KDM4C: variants seen among roughly 807,000 people sequenced by gnomAD.
KDM4C encodes lysine demethylase 4C, also known as lysine-specific demethylase 4C.
In KDM4C, 81 loss-of-function variants were observed where a neutral mutation model predicts 129.3. The observed-to-expected ratio is 0.63, with a 90% confidence interval of 0.52 to 0.75. KDM4C has a LOEUF of 0.75. Ranked by LOEUF, KDM4C falls within the 30% of genes least tolerant of loss-of-function variation. The pLI is 0.00. For synonymous variants in KDM4C, 573 were observed against 456.1 expected, an observed-to-expected ratio of 1.26 and a Z score of -3.26; for missense variants, 1,457 against 1,304.0, an observed-to-expected ratio of 1.12 and a Z score of -1.81.
chr9:6,823,176 T>C (rs1427549049), intron 4 of KDM4C, among the ~76,000 whole-genome samples: 3 of 152,252 alleles, frequency 2.0e-5, no homozygotes, highest in Admixed American at 1.3e-4. Context: ...GATTTTCCCT[T>C]TGCTGAGCGG....
At chr9:6,781,682 A>T (rs894103603) in intron 1 of KDM4C, among the ~76,000 whole-genome samples, 6 of 152,182 alleles carry the variant, frequency 3.9e-5, no homozygotes, top group African/African-American at 9.7e-5. Context: ...GCATTATGAG[A>T]GCTGAAACAA....
intron 17 of KDM4C, among the ~76,000 whole-genome samples, chr9:7,094,407 T>C (rs997869517): frequency 6.6e-6 from 1 of 152,152 alleles, no homozygotes; most frequent in East Asian, 1.9e-4. Context: ...TGAGAACACA[T>C]GGACACAGGA....
chr9:6,814,570 G>A, intron 3 of KDM4C, 61 bp from the exon 4 acceptor site: 2 of 1,023,752 alleles, frequency 2.0e-6, no homozygotes, highest in Non-Finnish European at 2.9e-6. Context: ...AATCAATTTG[G>A]TGGGAAAAAC....
intron 5 of KDM4C, among the ~76,000 whole-genome samples, chr9:6,854,447 T>C (rs7852688): frequency 0.14 from 19,810 of 146,416 alleles, 1,798 homozygotes; most frequent in African/African-American, 0.26. Context: ...ATTGCTTGAA[T>C]CTGGGAGGCG....
At chr9:6,977,766 C>T (rs1014570249) in intron 8 of KDM4C, among the ~76,000 whole-genome samples, 1 of 152,146 alleles carries the variant, frequency 6.6e-6, no homozygotes, top group Non-Finnish European at 1.5e-5. Context: ...ATGTACACTG[C>T]TGTCACCTCT....
At chr9:7,166,359 T>A (rs763377027) in intron 20 of KDM4C, among the ~76,000 whole-genome samples, 4 of 152,178 alleles carry the variant, frequency 2.6e-5, no homozygotes, top group Admixed American at 1.3e-4. Context: ...TCAAAGAAGT[T>A]TGAAAAACTT....
chr9:7,108,920 G>C (rs1838008411), intron 18 of KDM4C, among the ~76,000 whole-genome samples: 1 of 152,142 alleles, frequency 6.6e-6, no homozygotes, highest in Non-Finnish European at 1.5e-5. Flanking sequence ...ATAAGAATCA[G>C]TACACTTTTA....
At chr9:7,133,726 C>A (rs1187925252) in intron 19 of KDM4C, among the ~76,000 whole-genome samples, 1 of 152,150 alleles carries the variant, frequency 6.6e-6, no homozygotes, top group African/African-American at 2.4e-5. Context: ...GGTGTAAAAC[C>A]CGTTTCAGTG....
intron 19 of KDM4C, among the ~76,000 whole-genome samples, chr9:7,151,582 G>A (rs1842734638): frequency 6.6e-6 from 1 of 152,166 alleles, no homozygotes; most frequent in African/African-American, 2.4e-5. Context: ...GGCTGAGGTG[G>A]GAGAATCACC....
At chr9:6,923,915 G>A (rs575372309) in intron 8 of KDM4C, among the ~76,000 whole-genome samples, 89 of 152,302 alleles carry the variant, frequency 5.8e-4, no homozygotes, top group African/African-American at 1.9e-3. Context: ...TCTGAGAAGA[G>A]ACCGATGCTT....
chr9:7,152,631 T>C (rs1842826394), intron 19 of KDM4C, among the ~76,000 whole-genome samples: 1 of 152,178 alleles, frequency 6.6e-6, no homozygotes, highest in African/African-American at 2.4e-5. Context: ...GGTGATGAAG[T>C]CACAACACTT....
intron 1 of KDM4C, among the ~76,000 whole-genome samples, chr9:6,782,095 A>G (rs1051534220): frequency 2.0e-5 from 3 of 152,200 alleles, no homozygotes; most frequent in Non-Finnish European, 4.4e-5. Context: ...AAGTGCTGGG[A>G]TTACAGGTGT....
At chr9:6,896,735 G>A (rs1302007214) in intron 8 of KDM4C, among the ~76,000 whole-genome samples, 1 of 152,282 alleles carries the variant, frequency 6.6e-6, no homozygotes, top group East Asian at 1.9e-4. Flanking sequence ...AGGCTTATCT[G>A]CTGTGTGCCA....
intron 19 of KDM4C, among the ~76,000 whole-genome samples, chr9:7,147,084 C>T (rs933921777): frequency 3.9e-5 from 6 of 152,210 alleles, no homozygotes; most frequent in African/African-American, 1.2e-4. Flanking sequence ...CTCATTCTCC[C>T]TGCAAGATTG....
chr9:6,803,594 T>TA (rs199714369), intron 2 of KDM4C, among the ~76,000 whole-genome samples: 1,612 of 150,912 alleles, frequency 0.011, 12 homozygotes, highest in South Asian at 0.03. Flanking sequence ...AAGTTTGTTT[T>TA]AAAAAAATTA....
intron 1 of KDM4C, among the ~76,000 whole-genome samples, chr9:6,766,714 A>G (rs1820698944): frequency 6.6e-6 from 1 of 151,780 alleles, no homozygotes; most frequent in South Asian, 2.1e-4. Context: ...AAATGATCAC[A>G]TAGTTTTTGG....
intron 17 of KDM4C, among the ~76,000 whole-genome samples, chr9:7,062,717 G>C (rs1452803772): frequency 1.3e-5 from 2 of 151,792 alleles, no homozygotes; most frequent in African/African-American, 4.8e-5. Context: ...TGAACTTACA[G>C]AATTATTCCC....
chr9:6,934,993 A>G (rs1563841084), intron 8 of KDM4C, among the ~76,000 whole-genome samples: 1 of 152,014 alleles, frequency 6.6e-6, no homozygotes, highest in Non-Finnish European at 1.5e-5. Flanking sequence ...GTTAATAACA[A>G]TGACACAAGT....
chr9:6,867,108 C>T (rs544763215), intron 5 of KDM4C, among the ~76,000 whole-genome samples: 3 of 150,374 alleles, frequency 2.0e-5, no homozygotes, highest in South Asian at 4.2e-4. Context: ...CTCCGCCTGC[C>T]GGGTTCAAGC....
Sources: gnomAD v4.1 joint callset for allele counts (sites outside exome capture counted in the v4.1 genomes callset) on GRCh38, gnomAD v4.1.1 for gene constraint, MANE v1.5 for transcripts, NCBI Gene and HGNC (gene_info 2026-07-23, HGNC 2026-07-21) for gene names.